The following GDPD4 variants were observed in gnomAD, a reference collection of about 807,000 sequenced individuals.
GDPD4 encodes the protein glycerophosphodiester phosphodiesterase 6.
A neutral mutation model predicts 67.8 loss-of-function variants in GDPD4; 60 were observed. The ratio of observed to expected loss-of-function variants is 0.88; its 90% CI spans 0.72 to 1.10. The LOEUF (loss-of-function observed/expected upper bound fraction) is 1.10, where lower values mean the gene tolerates loss of function less well. Among genes scored for constraint, GDPD4 ranks in the 50% least tolerant of loss-of-function variants. The probability of loss-of-function intolerance (pLI) is 0.00; values close to 1 mark genes in which losing one functional copy is unlikely to be tolerated. For missense variants in GDPD4, 623 were observed against 613.9 expected, an observed-to-expected ratio of 1.01 and a Z score of -0.16; for synonymous variants, 212 against 210.9, an observed-to-expected ratio of 1.00 and a Z score of -0.04.
At chr11:77,250,315 C>A (rs1591546717) in intron 11 of GDPD4, among the ~76,000 whole-genome samples, 1 of 152,116 alleles carries the variant, frequency 6.6e-6, no homozygotes, top group Non-Finnish European at 1.5e-5. Context: ...ATTTAGCTCC[C>A]ACTTATAAGT....
chr11:77,293,914 A>G (rs1937863633), intron 1 of GDPD4, among the ~76,000 whole-genome samples: 1 of 152,208 alleles, frequency 6.6e-6, no homozygotes, highest in African/African-American at 2.4e-5. Flanking sequence ...AGCCAGTGCA[A>G]TAAGGCTAGA....
At chr11:77,270,985 C>CAGGA in intron 7 of GDPD4, 145 bp downstream of exon 7, 1 of 629,428 alleles carries the variant, frequency 1.6e-6, no homozygotes, top group East Asian at 2.8e-5. Context: ...AGTGAAAGCA[C>CAGGA]AGGAGCATGC....
chr11:77,269,459 A>G (rs913963387), intron 8 of GDPD4, among the ~76,000 whole-genome samples: 3 of 152,276 alleles, frequency 2.0e-5, no homozygotes, highest in Middle Eastern at 3.4e-3. Context: ...AAACATCTGT[A>G]TATTTAAGGC....
intron 14 of GDPD4, 33 bp from the exon 15 acceptor site, chr11:77,229,265 A>G (rs1232690873): frequency 7.4e-7 from 1 of 1,349,770 alleles, no homozygotes; most frequent in Non-Finnish European, 1.0e-6. Context: ...AAAGAACTTT[A>G]CAGTTAGAAG....
rs1565543297 is a variant in GDPD4, at chr11:77,285,084, C to T, written c.53+1G>A. Reference sequence around the variant, plus strand: ...ATGAAACTACAAAAAGTGAAACTCACCAGTCAAAGTTAAAGTATTCACTGG... The same window carrying T: ...ATGAAACTACAAAAAGTGAAACTCATCAGTCAAAGTTAAAGTATTCACTGG... On this transcript the variant is annotated splice_donor_variant, in intron 3 of 16. Coordinates refer to ENST00000315938, the MANE Select transcript of GDPD4 (RefSeq NM_182833.3). LOFTEE classifies it high-confidence loss of function. The T allele has an allele frequency of 6.2e-6, 10 of 1,606,994 alleles. No homozygotes were observed. Among genetic ancestry groups the T allele is most frequent in the African/African-American group, 4.0e-5 (3 of 74,716 alleles).
intron 11 of GDPD4, among the ~76,000 whole-genome samples, chr11:77,251,096 T>C (rs1191229347): frequency 6.6e-6 from 1 of 152,222 alleles, no homozygotes; most frequent in East Asian, 1.9e-4. Flanking sequence ...CCTTTATTCA[T>C]TCAGGCAGTC....
Position 77,235,009 on chromosome 11 carries a change from G to GTTTTT in GDPD4, c.1242-1842_1242-1838dup, listed in dbSNP as rs57989259. Among the ~76,000 whole-genome samples the GTTTTT allele has an allele frequency of 8.8e-4, 46 of 52,260 alleles. 7 individuals are homozygous for GTTTTT. Among genetic ancestry groups the GTTTTT allele is most frequent in the African/African-American group, 1.0e-3 (16 of 15,850 alleles). 34.3% of individuals were successfully genotyped at this position (52,260 alleles called of 152,430 possible). A position where few individuals can be genotyped will look rare whatever the true frequency, so the allele number is the denominator to read the frequency against. On this transcript the variant is annotated intron_variant, in intron 13 of 16. Transcript: ENST00000315938. ...TCTCTCTGCAACCTTGTCAATATCT[G>GTTTTT]TTTTTTTTTTTTTTTTTTTTTTTTT...
At position 77,216,938 on chromosome 11, in the gene GDPD4, TAAG is replaced by T; in HGVS notation, c.*336_*338del. The T allele has an allele frequency of 1.4e-6, 1 of 701,880 alleles. No individual in the cohort carries two copies. The highest frequency in any genetic ancestry group is 1.5e-5 in the South Asian group (1 of 67,508). 43.5% of individuals were successfully genotyped at this position (701,880 alleles called of 1,614,324 possible). ...GGGGATCTCTTAGAGGTCTCTTATT[TAAG>T]GATAGGGGACCTCTATGGAGGGCAT... On this transcript the variant is annotated 3_prime_UTR_variant, in exon 17 of 17. Coordinates refer to ENST00000315938, the MANE Select transcript of GDPD4 (RefSeq NM_182833.3).
chr11:77,250,754 A>C (rs945545178), intron 11 of GDPD4, among the ~76,000 whole-genome samples: 3 of 152,204 alleles, frequency 2.0e-5, no homozygotes, highest in African/African-American at 7.2e-5. Context: ...GTAGGATGTT[A>C]AAGTCACCAA....
intron 13 of GDPD4, among the ~76,000 whole-genome samples, chr11:77,234,568 A>T (rs1379381351): frequency 6.6e-6 from 1 of 152,148 alleles, no homozygotes; most frequent in Non-Finnish European, 1.5e-5. Flanking sequence ...CCCAATGTTT[A>T]GCTCCCACTT....
intron 2 of GDPD4, among the ~76,000 whole-genome samples, chr11:77,286,089 C>T (rs1480782073): frequency 2.0e-5 from 3 of 152,162 alleles, no homozygotes; most frequent in African/African-American, 7.2e-5. Context: ...TCTCTAGCTT[C>T]TTTTCCCCTC....
intron 11 of GDPD4, 36 bp downstream of exon 11, chr11:77,258,350 C>T (rs758843015): frequency 6.2e-7 from 1 of 1,603,204 alleles, no homozygotes. Context: ...TACAAAAATT[C>T]AATGCAGGTT....
intron 14 of GDPD4, 138 bp from the exon 15 acceptor site, chr11:77,229,370 A>T: frequency 3.4e-6 from 2 of 586,624 alleles, no homozygotes; most frequent in Non-Finnish European, 6.1e-6. Flanking sequence ...ACCTTGATTG[A>T]TGTGGCATTC....
intron 1 of GDPD4, among the ~76,000 whole-genome samples, chr11:77,290,743 A>C (rs565956491): frequency 6.4e-4 from 97 of 152,330 alleles, no homozygotes; most frequent in African/African-American, 2.3e-3. Context: ...TCTCAACAGA[A>C]GACATACAAA....
intron 3 of GDPD4, 127 bp downstream of exon 3, chr11:77,284,958 G>A: frequency 1.4e-6 from 1 of 707,722 alleles, no homozygotes; most frequent in Non-Finnish European, 2.5e-6. Flanking sequence ...CCCAAAAGCT[G>A]TGGAAAGCCC....
chr11:77,246,207 G>C (rs930501416), intron 11 of GDPD4, among the ~76,000 whole-genome samples: 19 of 152,176 alleles, frequency 1.2e-4, no homozygotes, highest in Non-Finnish European at 1.3e-4. Context: ...GATTACTTGA[G>C]CCCAGGAGTT....
intron 13 of GDPD4, among the ~76,000 whole-genome samples, chr11:77,234,064 A>G (rs775961346): frequency 9.9e-5 from 15 of 152,172 alleles, no homozygotes; most frequent in Non-Finnish European, 2.1e-4. Flanking sequence ...AAATTTTTTC[A>G]ACTCTCAAAT....
At chr11:77,222,485 A>C (rs570922699) in intron 16 of GDPD4, among the ~76,000 whole-genome samples, 13 of 152,190 alleles carry the variant, frequency 8.5e-5, no homozygotes, top group Admixed American at 7.8e-4. Context: ...TCACTTATGA[A>C]GCTTAGTTTG....
intron 11 of GDPD4, among the ~76,000 whole-genome samples, chr11:77,249,107 A>C (rs1958837536): frequency 6.6e-6 from 1 of 151,526 alleles, no homozygotes; most frequent in Non-Finnish European, 1.5e-5. Context: ...TCTACTAAAA[A>C]TACAAAAAAT....
Sources: allele counts gnomAD v4.1 joint callset (sites outside exome capture counted in the v4.1 genomes callset), GRCh38; gene constraint gnomAD v4.1.1; transcripts MANE v1.5; gene names NCBI Gene and HGNC (gene_info 2026-07-23, HGNC 2026-07-21).